MTHFD1L: variants seen among roughly 807,000 people sequenced by gnomAD.
The protein encoded by MTHFD1L is monofunctional C1-tetrahydrofolate synthase, mitochondrial.
MTHFD1L carries 81 observed loss-of-function variants against 119.5 expected under a neutral mutation model. The ratio of observed to expected loss-of-function variants is 0.68; its 90% confidence interval spans 0.57 to 0.82. The LOEUF is 0.82. Among genes scored for constraint, MTHFD1L ranks in the 40% least tolerant of loss-of-function variants. The probability of loss-of-function intolerance (pLI) is 0.00; values close to 1 mark genes in which losing one functional copy is unlikely to be tolerated. For synonymous variants in MTHFD1L, 430 were observed against 475.2 expected (o/e 0.90, Z 1.24); for missense variants, 1,125 against 1,253.4 (o/e 0.90, Z 1.55).
chr6:150,960,835 A>G (rs1328605264), intron 18 of MTHFD1L, among the ~76,000 whole-genome samples: 1 of 152,190 alleles, frequency 6.6e-6, no homozygotes, highest in Non-Finnish European at 1.5e-5. Flanking sequence ...AGGAAGATAA[A>G]GTTAAAATTG....
At chr6:150,965,519 G>A (rs1168258018) in intron 19 of MTHFD1L, among the ~76,000 whole-genome samples, 1 of 152,012 alleles carries the variant, frequency 6.6e-6, no homozygotes, top group South Asian at 2.1e-4. Context: ...AAATTAGCCG[G>A]GCATTGTGGC....
Position 151,055,442 on chromosome 6 carries a change from T to C in MTHFD1L, c.2847+18325T>C, listed in dbSNP as rs188118686. Among the ~76,000 whole-genome samples, 374 of 152,124 alleles carry C rather than the reference T, an allele frequency of 2.5e-3. 1 individual carries two copies. Among genetic ancestry groups the C allele is most frequent in the Non-Finnish European group, 4.0e-3 (273 of 68,000 alleles). On this transcript the variant is annotated intron_variant, in intron 26 of 27. Transcript: ENST00000367321. ...CCAGAGCAGGAAGAGCTTCAGGAAC[T>C]TGCCCTCCTAGTAAAGATAGAAAGT...
intron 26 of MTHFD1L, among the ~76,000 whole-genome samples, chr6:151,042,481 G>T (rs1324035605): frequency 6.6e-6 from 1 of 152,152 alleles, no homozygotes; most frequent in Non-Finnish European, 1.5e-5. Context: ...GTTATGGTAT[G>T]CTTCCAAAAT....
chr6:151,063,773 A>G (rs968029041), intron 26 of MTHFD1L, among the ~76,000 whole-genome samples: 2 of 152,208 alleles, frequency 1.3e-5, no homozygotes, highest in African/African-American at 2.4e-5. Context: ...AAACATCCAA[A>G]TGTCAAGAAT....
intron 13 of MTHFD1L, among the ~76,000 whole-genome samples, chr6:150,940,822 C>T (rs1792966871): frequency 6.6e-6 from 1 of 152,136 alleles, no homozygotes; most frequent in African/African-American, 2.4e-5. Flanking sequence ...TCAGGTGACC[C>T]ACCCACCTCG....
chr6:151,048,978 C>T (rs749025069), intron 26 of MTHFD1L, among the ~76,000 whole-genome samples: 26 of 152,200 alleles, frequency 1.7e-4, no homozygotes, highest in Non-Finnish European at 3.7e-4. Context: ...CACAGATTGA[C>T]GGCTCAGTCC....
At chr6:151,080,407 G>A (rs1038502844) in intron 26 of MTHFD1L, among the ~76,000 whole-genome samples, 3 of 152,182 alleles carry the variant, frequency 2.0e-5, no homozygotes, top group Non-Finnish European at 4.4e-5. Flanking sequence ...AGAGGATGGA[G>A]GAGAAACCCA....
At chr6:150,872,962 C>G (rs994407493) in intron 1 of MTHFD1L, among the ~76,000 whole-genome samples, 1 of 151,874 alleles carries the variant, frequency 6.6e-6, no homozygotes, top group African/African-American at 2.4e-5. Context: ...GCGCCCAGCC[C>G]CCATCCCCAA....
At chr6:150,869,876 C>T (rs1264102118) in intron 1 of MTHFD1L, among the ~76,000 whole-genome samples, 2 of 152,036 alleles carry the variant, frequency 1.3e-5, no homozygotes, top group East Asian at 3.9e-4. Flanking sequence ...ACTAGATGAC[C>T]ATAATCCCTC....
At chr6:151,082,762 C>CTCATGCTG (rs1793327709) in intron 26 of MTHFD1L, among the ~76,000 whole-genome samples, 1 of 152,062 alleles carries the variant, frequency 6.6e-6, no homozygotes, top group African/African-American at 2.4e-5. Context: ...TATTGTTATA[C>CTCATGCTG]TCATGCTGTA....
intron 8 of MTHFD1L, among the ~76,000 whole-genome samples, chr6:150,906,046 G>A (rs1421331663): frequency 1.3e-5 from 2 of 152,188 alleles, no homozygotes; most frequent in East Asian, 1.9e-4. Context: ...TGTGTGTGAG[G>A]TAAACTAGAA....
At chr6:150,927,381 C>A (rs1372878261) in intron 11 of MTHFD1L, among the ~76,000 whole-genome samples, 1 of 151,854 alleles carries the variant, frequency 6.6e-6, no homozygotes, top group African/African-American at 2.4e-5. Flanking sequence ...ATACTGAGCT[C>A]CATGTGAGTG....
At chr6:151,089,552 G>A (rs192907090) in intron 26 of MTHFD1L, among the ~76,000 whole-genome samples, 8 of 152,326 alleles carry the variant, frequency 5.3e-5, no homozygotes, top group Non-Finnish European at 7.3e-5. Flanking sequence ...GCAGTGAGCC[G>A]AGATCGTGCC....
In MTHFD1L at chr6:150,965,056, A is replaced by G; in HGVS notation, c.2013+19A>G. The G allele has an allele frequency of 1.2e-6, 2 of 1,609,772 alleles. No homozygotes were observed. Among genetic ancestry groups the G allele is most frequent in the Non-Finnish European group, 1.7e-6 (2 of 1,176,102 alleles). On this transcript the variant is annotated intron_variant, in intron 19 of 27. Coordinates refer to ENST00000367321, the MANE Select transcript of MTHFD1L (RefSeq NM_015440.5). ...CCTGGAAGTAAGTGGTTTTCTTCTT[A>G]TAGTAATTGTTTGCATTAACTGGAT...
chr6:150,890,682 C>G (rs1166524177), intron 7 of MTHFD1L, among the ~76,000 whole-genome samples: 2 of 152,076 alleles, frequency 1.3e-5, no homozygotes, highest in South Asian at 4.1e-4. Context: ...GGCCATAAGG[C>G]AGAAGGAGAG....
intron 10 of MTHFD1L, among the ~76,000 whole-genome samples, chr6:150,925,086 T>C (rs1024971667): frequency 2.0e-5 from 3 of 152,110 alleles, no homozygotes; most frequent in Admixed American, 6.5e-5. Context: ...GAGGGTAGAT[T>C]ACCTGCAGTA....
chr6:150,940,129 G>A lies in MTHFD1L; in HGVS notation c.1440+1384G>A, dbSNP rs1338063822. Among the ~76,000 whole-genome samples the A allele has an allele frequency of 5.3e-5, 8 of 152,016 alleles. No homozygotes were observed. The South Asian group carries it at 6.2e-4, about 12-fold the overall frequency. On this transcript the variant is annotated intron_variant, in intron 13 of 27. Transcript: ENST00000367321. Reference sequence around the variant, plus strand: ...CCCCACAGACTCCCTCTGTGTTTACGGCTATCTGGTTCAGTTGGCTGTGGC... The same window carrying A: ...CCCCACAGACTCCCTCTGTGTTTACAGCTATCTGGTTCAGTTGGCTGTGGC...
intron 11 of MTHFD1L, among the ~76,000 whole-genome samples, chr6:150,931,405 A>G (rs1791025506): frequency 6.6e-6 from 1 of 152,004 alleles, no homozygotes; most frequent in Non-Finnish European, 1.5e-5. Flanking sequence ...GCCTTGAGTA[A>G]CTATTTAAAT....
chr6:150,963,992 C>G (rs1301759256), intron 18 of MTHFD1L, among the ~76,000 whole-genome samples: 2 of 152,062 alleles, frequency 1.3e-5, no homozygotes, highest in East Asian at 3.9e-4. Flanking sequence ...ATGGTGAAAC[C>G]CCATCTCTGC....
Sources: allele counts gnomAD v4.1 joint callset (sites outside exome capture counted in the v4.1 genomes callset), GRCh38; gene constraint gnomAD v4.1.1; transcripts MANE v1.5; gene names NCBI Gene and HGNC (gene_info 2026-07-23, HGNC 2026-07-21).